Variants in FARS2 observed in about 807,000 individuals in gnomAD.
The protein encoded by FARS2 is phenylalanine--tRNA ligase, mitochondrial.
Under a neutral mutation model 46.4 loss-of-function variants are expected in FARS2, and 40 were observed. The observed-to-expected ratio is 0.86, with a 90% CI of 0.67 to 1.12. The LOEUF is 1.12. FARS2 is among the 50% of genes most tolerant of loss of function. The probability of loss-of-function intolerance (pLI) is 0.00; values close to 1 mark genes in which losing one functional copy is unlikely to be tolerated. For missense variants in FARS2, 513 were observed against 567.9 expected (o/e 0.90, Z 0.98); for synonymous variants, 234 against 214.9 (o/e 1.09, Z -0.78).
In FARS2 at chr6:5,466,735, C is replaced by G. The variant is rs142515891; in HGVS notation, c.904+35563C>G. 1.4e-4 allele frequency: 141 copies of G among 978,714 alleles called. 2 individuals carry two copies. In the East Asian group the frequency reaches 8.0e-3, roughly 55 times the overall value. 60.6% of individuals were successfully genotyped at this position (978,714 alleles called of 1,614,324 possible). A position where few individuals can be genotyped will look rare whatever the true frequency, so the allele number is the denominator to read the frequency against. On this transcript the variant is annotated intron_variant, in intron 4 of 6. Coordinates refer to ENST00000274680, the MANE Select transcript of FARS2 (RefSeq NM_006567.5). The stretch of plus-strand genomic sequence containing the variant: ...TCCTTCCAGAGAGTCGAATGCAAGG[C>G]TGTGTGTGGTGCCTGGGATCTGTAG...
chr6:5,770,409 G>A (rs1762975779), intron 6 of FARS2, among the ~76,000 whole-genome samples: 1 of 151,976 alleles, frequency 6.6e-6, no homozygotes, highest in South Asian at 2.1e-4. Flanking sequence ...TGTTGCTGCT[G>A]CTGCTGCTGC....
In FARS2 at chr6:5,431,174, T is replaced by C; in HGVS notation, c.904+2T>C. The C allele has an allele frequency of 6.2e-7, 1 of 1,613,444 alleles. No homozygotes were observed. The highest frequency in any genetic ancestry group is 8.5e-7 in the Non-Finnish European group (1 of 1,179,590). Reference sequence around the variant, plus strand: ...TGGAACAACAACTGGTCAATTCAGGTAAAAAAGAATCCCACATTTTATTTA... The same window carrying C: ...TGGAACAACAACTGGTCAATTCAGGCAAAAAAGAATCCCACATTTTATTTA... On this transcript the variant is annotated splice_donor_variant, in intron 4 of 6. Transcript: ENST00000274680. LOFTEE classifies it high-confidence loss of function.
chr6:5,684,119 G>A (rs1157498088), intron 6 of FARS2, among the ~76,000 whole-genome samples: 1 of 152,116 alleles, frequency 6.6e-6, no homozygotes, highest in East Asian at 1.9e-4. Context: ...TTGTATACCT[G>A]CCCGGCTTGC....
chr6:5,459,392 C>T (rs750621348), intron 4 of FARS2, among the ~76,000 whole-genome samples: 5 of 149,556 alleles, frequency 3.3e-5, no homozygotes, highest in Non-Finnish European at 5.9e-5. Context: ...TTTTTTTGAC[C>T]CTAGTATACT....
chr6:5,415,724 C>CT (rs1366951598), intron 3 of FARS2, among the ~76,000 whole-genome samples: 11 of 151,532 alleles, frequency 7.3e-5, no homozygotes, highest in Non-Finnish European at 1.0e-4. Context: ...TGTTTTCTTT[C>CT]TTTTTTTTGG....
At chr6:5,294,017 A>G (rs1340906920) in intron 1 of FARS2, among the ~76,000 whole-genome samples, 1 of 152,246 alleles carries the variant, frequency 6.6e-6, no homozygotes, top group Non-Finnish European at 1.5e-5. Context: ...CACAGCACGA[A>G]TGACCTGCAT....
At chr6:5,500,335 A>G (rs1015010874) in intron 4 of FARS2, among the ~76,000 whole-genome samples, 12 of 152,258 alleles carry the variant, frequency 7.9e-5, no homozygotes, top group African/African-American at 2.9e-4. Flanking sequence ...AAGTACTCAT[A>G]GAAATGCAGC....
intron 4 of FARS2, among the ~76,000 whole-genome samples, chr6:5,539,396 A>ATATATATG (rs1024662143): frequency 1.5e-5 from 2 of 136,492 alleles, no homozygotes; most frequent in Admixed American, 1.5e-4. Context: ...ATATATATAT[A>ATATATATG]TATGTATATA....
At chr6:5,675,768 A>G (rs1384076039) in intron 6 of FARS2, among the ~76,000 whole-genome samples, 3 of 152,234 alleles carry the variant, frequency 2.0e-5, no homozygotes, top group Admixed American at 2.0e-4. Context: ...ATAAACCTGG[A>G]CAATTCATAA....
At chr6:5,363,754 C>G (rs985131156) in intron 1 of FARS2, among the ~76,000 whole-genome samples, 3 of 152,176 alleles carry the variant, frequency 2.0e-5, no homozygotes, top group Admixed American at 2.0e-4. Flanking sequence ...CCCTTTACGT[C>G]CCCTCTGTCT....
At chr6:5,527,259 T>C (rs138033605) in intron 4 of FARS2, among the ~76,000 whole-genome samples, 481 of 152,386 alleles carry the variant, frequency 3.2e-3, no homozygotes, top group Non-Finnish European at 5.4e-3. Flanking sequence ...ATGGCATTTG[T>C]CAGAGGGACT....
chr6:5,366,785 G>A (rs533481687), intron 1 of FARS2, among the ~76,000 whole-genome samples: 25 of 152,312 alleles, frequency 1.6e-4, no homozygotes, highest in Non-Finnish European at 3.2e-4. Flanking sequence ...CCTTTGGGAG[G>A]AAGAAAGCTT....
In FARS2 at chr6:5,764,170, G is replaced by A. The variant is rs577618955; in HGVS notation, c.1218-7121G>A. On this transcript the variant is annotated intron_variant, in intron 6 of 6. Transcript: ENST00000274680. The surrounding 1 kb of genome is among the most constrained non-coding windows in gnomAD (Gnocchi z 4.1). Reference sequence around the variant, plus strand: ...AAACCCTGGAAAGCAAGTTTTGTTCGCCTCACTCTGCAGATGGAGTTATTG... The same window carrying A: ...AAACCCTGGAAAGCAAGTTTTGTTCACCTCACTCTGCAGATGGAGTTATTG... Among the ~76,000 whole-genome samples the A allele has an allele frequency of 1.6e-3, 249 of 152,176 alleles. 1 individual carries two copies. Among genetic ancestry groups the A allele is most frequent in the Non-Finnish European group, 2.5e-3 (168 of 68,016 alleles).
intron 6 of FARS2, among the ~76,000 whole-genome samples, chr6:5,668,709 T>G (rs971938602): frequency 6.9e-6 from 1 of 144,984 alleles, no homozygotes; most frequent in Non-Finnish European, 1.5e-5. Context: ...TTTTTTTTTT[T>G]TGAGATGGAG....
At chr6:5,457,395 C>T (rs1369045498) in intron 4 of FARS2, among the ~76,000 whole-genome samples, 1 of 152,222 alleles carries the variant, frequency 6.6e-6, no homozygotes, top group African/African-American at 2.4e-5. Flanking sequence ...GCACCATCCA[C>T]AGCTGCGGGG....
chr6:5,588,787 C>G (rs533988284), intron 5 of FARS2, among the ~76,000 whole-genome samples: 2 of 152,284 alleles, frequency 1.3e-5, no homozygotes, highest in African/African-American at 4.8e-5. Flanking sequence ...TTGTGGGGAT[C>G]CAACTGCCTC....
chr6:5,483,512 C>T (rs1171144939), intron 4 of FARS2, among the ~76,000 whole-genome samples: 1 of 151,886 alleles, frequency 6.6e-6, no homozygotes, highest in Non-Finnish European at 1.5e-5. Flanking sequence ...ACTAAAAATA[C>T]AAAAATTAAC....
intron 1 of FARS2, among the ~76,000 whole-genome samples, chr6:5,284,680 C>A (rs1348491514): frequency 6.6e-6 from 1 of 152,186 alleles, no homozygotes; most frequent in Non-Finnish European, 1.5e-5. Flanking sequence ...TGTCTTCCAT[C>A]CCCTTCAACT....
In FARS2 at chr6:5,404,601, T is replaced by C. The variant is rs773811639; in HGVS notation, c.672T>C (p.Ser224=). The change falls in exon 3 of 7, where the codon TCT becomes TCC. Residue 224 remains serine (S), a synonymous_variant. Transcript: ENST00000274680. ...AGCTCTTTGAACAAAGTTCTCGCTC[T>C]GCGCATAAACAAGAGACACACACCA... ...SLQLFEQSSR[S]AHKQETHTME... is the part of the protein sequence containing the mutation. 2.5e-5 allele frequency: 40 copies of C among 1,612,322 alleles called. No homozygotes were observed. In the South Asian group the frequency reaches 4.2e-4, roughly 17 times the overall value.
Sources: allele counts gnomAD v4.1 joint callset (sites outside exome capture counted in the v4.1 genomes callset), GRCh38; gene constraint gnomAD v4.1.1; non-coding constraint Gnocchi (gnomAD v3.1); transcripts MANE v1.5; gene names NCBI Gene and HGNC (gene_info 2026-07-23, HGNC 2026-07-21).